Variants in RBFOX1 observed in about 807,000 individuals in gnomAD.
The protein encoded by RBFOX1 is RNA binding protein fox-1 homolog 1.
In RBFOX1, 8 loss-of-function variants were observed where a neutral mutation model predicts 57.7. The observed-to-expected ratio is 0.14, with a 90% CI of 0.08 to 0.25. RBFOX1 has a LOEUF of 0.25. Ranked by LOEUF, RBFOX1 falls within the 10% of genes least tolerant of loss-of-function variation. The probability of loss-of-function intolerance (pLI) is 1.00; values close to 1 mark genes in which losing one functional copy is unlikely to be tolerated. For missense variants in RBFOX1, 611 were observed against 548.5 expected (o/e 1.11, Z -1.14); for synonymous variants, 326 against 222.4 (o/e 1.47, Z -4.15).
intron 3 of RBFOX1, among the ~76,000 whole-genome samples, chr16:6,676,842 A>G (rs1313661823): frequency 6.6e-6 from 1 of 151,298 alleles, no homozygotes; most frequent in African/African-American, 2.4e-5. Context: ...CTCCCAGCTA[A>G]TTTTTGTATT....
chr16:6,847,317 C>G (rs917921498), intron 3 of RBFOX1, among the ~76,000 whole-genome samples: 2 of 152,160 alleles, frequency 1.3e-5, no homozygotes, highest in African/African-American at 4.8e-5. Context: ...CTGCTTCATG[C>G]TATGGGTCCA....
At chr16:5,366,290 T>G (rs1416457105) in intron 1 of RBFOX1, 1 of 372,184 alleles carries the variant, frequency 2.7e-6, no homozygotes, top group East Asian at 7.0e-5. Flanking sequence ...ATGCTGGTCA[T>G]GACGATTTTG....
chr16:6,773,187 G>A (rs1215287250), intron 3 of RBFOX1, among the ~76,000 whole-genome samples: 2 of 74,284 alleles, frequency 2.7e-5, no homozygotes, highest in African/African-American at 1.2e-4. Flanking sequence ...TGTGTGTGTG[G>A]GCATGGGGTG....
At chr16:5,863,060 G>C (rs1035973263) in intron 3 of RBFOX1, among the ~76,000 whole-genome samples, 1 of 152,106 alleles carries the variant, frequency 6.6e-6, no homozygotes, top group Admixed American at 6.6e-5. Flanking sequence ...TTTGGAGTTC[G>C]ACCTGAGTTC....
chr16:6,401,460 T>G (rs997161645), intron 2 of RBFOX1, among the ~76,000 whole-genome samples: 3 of 152,210 alleles, frequency 2.0e-5, no homozygotes, highest in African/African-American at 7.2e-5. Context: ...TCACCAACAT[T>G]GGACTGTGAT....
intron 3 of RBFOX1, among the ~76,000 whole-genome samples, chr16:6,895,149 A>T (rs996167500): frequency 1.3e-5 from 2 of 152,078 alleles, no homozygotes. Flanking sequence ...GCACCAAATC[A>T]AAAAAGATGA....
intron 3 of RBFOX1, among the ~76,000 whole-genome samples, chr16:6,969,081 A>G (rs973399798): frequency 6.6e-6 from 1 of 152,116 alleles, no homozygotes; most frequent in African/African-American, 2.4e-5. Flanking sequence ...GAGCACTTAC[A>G]GGAGAGACCT....
intron 3 of RBFOX1, among the ~76,000 whole-genome samples, chr16:6,895,558 T>C (rs1322503216): frequency 1.3e-5 from 2 of 148,216 alleles, no homozygotes; most frequent in African/African-American, 5.0e-5. Context: ...ACATGATTGA[T>C]GAGAGGAAGG....
intron 3 of RBFOX1, among the ~76,000 whole-genome samples, chr16:6,768,743 T>C (rs944997368): frequency 6.9e-5 from 10 of 145,906 alleles, no homozygotes. Context: ...TATTTTTCTT[T>C]TTTTTTTTTT....
intron 14 of RBFOX1, among the ~76,000 whole-genome samples, chr16:7,699,290 C>A (rs1318163315): frequency 2.0e-5 from 3 of 152,120 alleles, no homozygotes; most frequent in Non-Finnish European, 4.4e-5. Flanking sequence ...CTCCTGGGAT[C>A]TAGCGATCCT....
At chr16:7,150,035 A>C (rs182865832) in intron 4 of RBFOX1, among the ~76,000 whole-genome samples, 2 of 151,638 alleles carry the variant, frequency 1.3e-5, no homozygotes, top group Admixed American at 6.6e-5. Flanking sequence ...AGAGATTACA[A>C]CTCTTAGGGG....
intron 4 of RBFOX1, among the ~76,000 whole-genome samples, chr16:7,225,236 G>A (rs552453768): frequency 1.3e-5 from 2 of 152,172 alleles, no homozygotes; most frequent in South Asian, 4.2e-4. Context: ...GGTTGGCTGT[G>A]TCCCCACCCA....
At chr16:7,659,900 C>A (rs2067262304) in intron 12 of RBFOX1, among the ~76,000 whole-genome samples, 1 of 152,024 alleles carries the variant, frequency 6.6e-6, no homozygotes, top group Middle Eastern at 3.2e-3. Context: ...ATTAAAAATT[C>A]TCTAGGAAAA....
At chr16:5,565,487 T>G (rs547086367) in intron 2 of RBFOX1, among the ~76,000 whole-genome samples, 22 of 151,980 alleles carry the variant, frequency 1.4e-4, no homozygotes, top group Admixed American at 1.4e-3. Flanking sequence ...TAGCTGGGCA[T>G]GGTGGCACCT....
chr16:7,189,578 CACACACACAT>C lies in RBFOX1; in HGVS notation c.27+137490_27+137499del, dbSNP rs1567633924. ...AAACACACACACACACACACACACA[CACACACACAT>C]ACACACACAAAATAGAGCACATAAG... is the stretch of plus-strand genomic sequence containing the variant. On this transcript the variant is annotated intron_variant, in intron 4 of 15. Transcript: ENST00000550418. Among the ~76,000 whole-genome samples, 231 of 150,856 alleles carry C rather than the reference CACACACACAT, an allele frequency of 1.5e-3. 1 individual carries two copies. The East Asian group carries it at 0.03, about 19-fold the overall frequency.
chr16:6,243,320 G>A (rs969492272), intron 1 of RBFOX1, among the ~76,000 whole-genome samples: 1 of 152,090 alleles, frequency 6.6e-6, no homozygotes, highest in Non-Finnish European at 1.5e-5. Flanking sequence ...AGTTGAATTG[G>A]GAGAAATAAA....
Position 5,829,067 on chromosome 16 carries a change from G to T in RBFOX1, c.319-38236G>T, listed in dbSNP as rs1157671783. On this transcript the variant is annotated intron_variant, in intron 3 of 19. Coordinates refer to the RBFOX1 transcript ENST00000641259. ...TGCTTTCAAGCCCTTTCCCTGTGCT[G>T]CATTCTATTCTTTAGAGGGAAGTCT... Among the ~76,000 whole-genome samples the T allele has an allele frequency of 2.6e-5, 4 of 152,110 alleles. No homozygotes were observed. The South Asian group carries it at 6.2e-4, about 24-fold the overall frequency.
chr16:7,470,984 C>T (rs1421927233), intron 4 of RBFOX1, among the ~76,000 whole-genome samples: 1 of 151,838 alleles, frequency 6.6e-6, no homozygotes. Flanking sequence ...TTTCCATGAT[C>T]CTACTGCCAA....
intron 4 of RBFOX1, among the ~76,000 whole-genome samples, chr16:7,153,687 T>C (rs1369750530): frequency 7.0e-6 from 1 of 143,630 alleles, no homozygotes; most frequent in African/African-American, 2.6e-5. Flanking sequence ...AAGTCGGAGG[T>C]TGCATTGAAC....
Sources: gnomAD v4.1 joint callset for allele counts (sites outside exome capture counted in the v4.1 genomes callset) on GRCh38, gnomAD v4.1.1 for gene constraint, MANE v1.5 for transcripts, NCBI Gene and HGNC (gene_info 2026-07-23, HGNC 2026-07-21) for gene names.